CDH9: variants seen among roughly 807,000 people sequenced by gnomAD.
CDH9 encodes the protein cadherin-9.
Under a neutral mutation model 70.9 loss-of-function variants are expected in CDH9, and 28 were observed. The ratio of observed to expected loss-of-function variants is 0.40; its 90% CI spans 0.29 to 0.54. The LOEUF is 0.54. Ranked by LOEUF, CDH9 falls within the 20% of genes least tolerant of loss-of-function variation. The pLI is 0.59. For missense variants in CDH9, 874 were observed against 984.4 expected, an observed-to-expected ratio of 0.89 and a Z score of 1.50; for synonymous variants, 409 against 343.1, an observed-to-expected ratio of 1.19 and a Z score of -2.12.
At chr5:26,979,268 A>G (rs1319604055) in intron 2 of CDH9, among the ~76,000 whole-genome samples, 1 of 151,760 alleles carries the variant, frequency 6.6e-6, no homozygotes, top group Non-Finnish European at 1.5e-5. Flanking sequence ...AGTGTATTAT[A>G]TGCTAAAATA....
chr5:27,000,498 T>C (rs1478950800), intron 1 of CDH9, among the ~76,000 whole-genome samples: 2 of 152,034 alleles, frequency 1.3e-5, no homozygotes, highest in East Asian at 3.9e-4. Flanking sequence ...GATACTAAAC[T>C]GATGGGGTTG....
At chr5:26,920,836 C>T (rs1012411606) in intron 2 of CDH9, among the ~76,000 whole-genome samples, 12 of 152,262 alleles carry the variant, frequency 7.9e-5, no homozygotes, top group East Asian at 1.9e-4. Context: ...GACAAAGACA[C>T]CAAAGATTAC....
chr5:26,926,106 A>G (rs1461725077), intron 2 of CDH9, among the ~76,000 whole-genome samples: 1 of 152,180 alleles, frequency 6.6e-6, no homozygotes, highest in South Asian at 2.1e-4. Context: ...ATCAGGCAAG[A>G]TAAATAAATA....
intron 7 of CDH9, among the ~76,000 whole-genome samples, chr5:26,893,329 A>G (rs1740692865): frequency 6.6e-6 from 1 of 152,154 alleles, no homozygotes; most frequent in South Asian, 2.1e-4. Flanking sequence ...ATTTGGTGTC[A>G]TCTCAGTGGT....
chr5:27,032,381 T>C (rs1251822441), intron 1 of CDH9, among the ~76,000 whole-genome samples: 1 of 151,604 alleles, frequency 6.6e-6, no homozygotes, highest in Non-Finnish European at 1.5e-5. Context: ...AGTGTACATA[T>C]TATTATAATA....
At chr5:27,036,071 GT>G (rs886740314) in intron 1 of CDH9, among the ~76,000 whole-genome samples, 16 of 151,698 alleles carry the variant, frequency 1.1e-4, no homozygotes, top group Non-Finnish European at 1.6e-4. Flanking sequence ...TATATAATTT[GT>G]AAGCACTCTC....
At chr5:26,931,357 G>A (rs1262847039) in intron 2 of CDH9, among the ~76,000 whole-genome samples, 1 of 152,050 alleles carries the variant, frequency 6.6e-6, no homozygotes, top group Non-Finnish European at 1.5e-5. Flanking sequence ...CTTTGTAAGA[G>A]TTTTGTTAAC....
intron 1 of CDH9, among the ~76,000 whole-genome samples, chr5:27,011,743 G>T (rs1268112487): frequency 6.6e-6 from 1 of 151,998 alleles, no homozygotes; most frequent in African/African-American, 2.4e-5. Context: ...ATATTACAAA[G>T]AACAGAGAGT....
At chr5:26,908,046 A>T (rs1487205468) in intron 3 of CDH9, among the ~76,000 whole-genome samples, 1 of 152,156 alleles carries the variant, frequency 6.6e-6, no homozygotes, top group Non-Finnish European at 1.5e-5. Context: ...AATATGTTTG[A>T]ATGTTAACAC....
At chr5:27,038,354 G>A (rs945479664) in intron 1 of CDH9, 109 bp downstream of exon 1, 4 of 151,938 alleles carry the variant, frequency 2.6e-5, no homozygotes, top group Non-Finnish European at 5.9e-5. Context: ...GAGAGAGAGA[G>A]AGAGAGCAAA....
At chr5:27,017,432 AT>A (rs5866815) in intron 1 of CDH9, among the ~76,000 whole-genome samples, 2 of 151,586 alleles carry the variant, frequency 1.3e-5, no homozygotes, top group South Asian at 2.1e-4. Context: ...GTCCACTGAA[AT>A]TTTTTTTGGG....
chr5:26,998,980 C>G (rs1742717198), intron 1 of CDH9, among the ~76,000 whole-genome samples: 1 of 152,124 alleles, frequency 6.6e-6, no homozygotes, highest in African/African-American at 2.4e-5. Flanking sequence ...GGCGTGGTGG[C>G]TCATGCCTGT....
chr5:26,998,835 C>G (rs971880408), intron 1 of CDH9, among the ~76,000 whole-genome samples: 1 of 152,144 alleles, frequency 6.6e-6, no homozygotes, highest in African/African-American at 2.4e-5. Flanking sequence ...ATCCTACCAT[C>G]TGAGTGGACT....
intron 1 of CDH9, among the ~76,000 whole-genome samples, chr5:27,030,899 A>T (rs771316192): frequency 2.0e-5 from 3 of 151,862 alleles, no homozygotes; most frequent in Non-Finnish European, 2.9e-5. Flanking sequence ...ATATTATTTG[A>T]ATTTTTTTAG....
intron 2 of CDH9, among the ~76,000 whole-genome samples, chr5:26,965,265 T>C (rs1742109320): frequency 6.6e-6 from 1 of 152,150 alleles, no homozygotes; most frequent in Non-Finnish European, 1.5e-5. Context: ...ATTAAATAGC[T>C]TCTTGTATTT....
chr5:27,019,719 A>G (rs1234619336), intron 1 of CDH9, among the ~76,000 whole-genome samples: 1 of 151,942 alleles, frequency 6.6e-6, no homozygotes, highest in Non-Finnish European at 1.5e-5. Flanking sequence ...TGAAATACGT[A>G]AATAAGTAAA....
chr5:26,992,920 A>G (rs1427132608), intron 1 of CDH9, among the ~76,000 whole-genome samples: 1 of 152,078 alleles, frequency 6.6e-6, no homozygotes, highest in East Asian at 1.9e-4. Flanking sequence ...AACATGGAGA[A>G]ACTCTGTCTC....
chr5:27,014,661 A>C (rs1218487741), intron 1 of CDH9, among the ~76,000 whole-genome samples: 2 of 151,946 alleles, frequency 1.3e-5, no homozygotes, highest in Non-Finnish European at 2.9e-5. Flanking sequence ...ATATAGACAT[A>C]TATAAATATA....
intron 2 of CDH9, among the ~76,000 whole-genome samples, chr5:26,962,685 C>G (rs1252416653): frequency 4.6e-5 from 7 of 152,116 alleles, no homozygotes; most frequent in Non-Finnish European, 1.0e-4. Flanking sequence ...GACTCTCACT[C>G]TCATGCCTCT....
Sources: allele counts gnomAD v4.1 joint callset (sites outside exome capture counted in the v4.1 genomes callset), GRCh38; gene constraint gnomAD v4.1.1; transcripts MANE v1.5; gene names NCBI Gene and HGNC (gene_info 2026-07-23, HGNC 2026-07-21).